MIPOL1: variants seen among roughly 807,000 people sequenced by gnomAD.
MIPOL1 encodes mirror-image polydactyly gene 1 protein.
MIPOL1 carries 57 observed loss-of-function variants against 60.9 expected under a neutral mutation model. That is an observed-to-expected ratio of 0.94 (90% confidence interval 0.76 to 1.17). The LOEUF (loss-of-function observed/expected upper bound fraction) is 1.17, where lower values mean the gene tolerates loss of function less well. Among genes scored for constraint, MIPOL1 ranks in the 50% most tolerant of loss-of-function variants. MIPOL1 has a pLI of 0.00. For missense variants in MIPOL1, 551 were observed against 511.6 expected (o/e 1.08, Z -0.74); for synonymous variants, 179 against 168.8 (o/e 1.06, Z -0.47).
intron 7 of MIPOL1, among the ~76,000 whole-genome samples, chr14:37,292,465 CTTTTTTT>C (rs34055899): frequency 2.4e-4 from 15 of 63,454 alleles, no homozygotes; most frequent in African/African-American, 4.8e-4. Context: ...CCTTAATAAA[CTTTTTTT>C]TTTTTTTTTT....
intron 11 of MIPOL1, among the ~76,000 whole-genome samples, chr14:37,452,512 T>C (rs1452828509): frequency 6.6e-6 from 1 of 152,178 alleles, no homozygotes; most frequent in East Asian, 1.9e-4. Flanking sequence ...AGAAGTTCAT[T>C]TGTAGGTGGG....
rs902726939 is a variant in MIPOL1 at position 37,460,616 on chromosome 14, G to C, written c.1031+37667G>C. ...ATCTTACACCTAGAAAACCCTGATG[G>C]CACCTCCCAAAGACTCCTAGATTTG... On this transcript the variant is annotated intron_variant, in intron 11 of 12. Coordinates refer to ENST00000684589, the MANE Select transcript of MIPOL1 (RefSeq NM_001388067.1). Among the ~76,000 whole-genome samples, 5 of 152,184 alleles carry C rather than the reference G, an allele frequency of 3.3e-5. No individual in the cohort carries two copies. In the South Asian group the frequency reaches 6.2e-4, roughly 19 times the overall value.
At chr14:37,283,668 A>T (rs899483807) in intron 6 of MIPOL1, among the ~76,000 whole-genome samples, 2 of 152,204 alleles carry the variant, frequency 1.3e-5, no homozygotes, top group Admixed American at 1.3e-4. Context: ...TGGAACTAAC[A>T]TTTGTTGATG....
chr14:37,479,433 C>G (rs981148153), intron 11 of MIPOL1, among the ~76,000 whole-genome samples: 12 of 152,030 alleles, frequency 7.9e-5, no homozygotes, highest in African/African-American at 2.4e-4. Flanking sequence ...TTAACATGCT[C>G]CTGAACAACC....
At chr14:37,206,728 C>T (rs1029815100) in intron 1 of MIPOL1, among the ~76,000 whole-genome samples, 18 of 152,240 alleles carry the variant, frequency 1.2e-4, no homozygotes, top group African/African-American at 4.1e-4. Flanking sequence ...GAACCCACCT[C>T]TTGCATCAGT....
intron 11 of MIPOL1, among the ~76,000 whole-genome samples, chr14:37,466,391 G>A (rs1254599918): frequency 6.6e-6 from 1 of 152,170 alleles, no homozygotes; most frequent in Non-Finnish European, 1.5e-5. Flanking sequence ...CACCTACACA[G>A]TATATTGCTG....
chr14:37,541,654 C>A (rs1448812581), intron 12 of MIPOL1, among the ~76,000 whole-genome samples: 1 of 152,184 alleles, frequency 6.6e-6, no homozygotes, highest in Non-Finnish European at 1.5e-5. Context: ...ATGCTTTCAG[C>A]AGAGATCTTA....
At chr14:37,477,370 A>G (rs746016961) in intron 11 of MIPOL1, among the ~76,000 whole-genome samples, 3 of 151,946 alleles carry the variant, frequency 2.0e-5, no homozygotes, top group Non-Finnish European at 4.4e-5. Flanking sequence ...TTGGAATGTT[A>G]TTGATTATTT....
Position 37,221,535 on chromosome 14 carries a change from GA to G in MIPOL1, c.-199+23433del, listed in dbSNP as rs558857606. Among the ~76,000 whole-genome samples the G allele has an allele frequency of 2.6e-3, 395 of 152,308 alleles. 2 individuals are homozygous for G. Among genetic ancestry groups the G allele is most frequent in the African/African-American group, 8.9e-3 (372 of 41,578 alleles). ...ACTCACAGTTCCAAAGGCTGTACAG[GA>G]AGCATGGCTGGGGAGACTTCAGGAA... On this transcript the variant is annotated intron_variant, in intron 1 of 12. Coordinates refer to ENST00000684589, the MANE Select transcript of MIPOL1 (RefSeq NM_001388067.1).
intron 9 of MIPOL1, among the ~76,000 whole-genome samples, chr14:37,336,888 G>A (rs2090164493): frequency 1.3e-5 from 2 of 151,888 alleles, no homozygotes; most frequent in Non-Finnish European, 2.9e-5. Context: ...AGCCTCCCGA[G>A]TAGCTGGGAC....
intron 9 of MIPOL1, among the ~76,000 whole-genome samples, chr14:37,366,523 T>C (rs887306984): frequency 6.6e-6 from 1 of 152,012 alleles, no homozygotes; most frequent in Non-Finnish European, 1.5e-5. Flanking sequence ...TGTTTGATAT[T>C]ATTTCAGTTT....
chr14:37,308,073 C>T lies in MIPOL1; in HGVS notation c.641C>T (p.Pro214Leu). The change falls in exon 8 of 13, where the codon CCT becomes CTT. Residue 214 changes from proline (P) to leucine (L), a missense_variant. Pro to Leu is a moderately conservative substitution (Grantham distance 98, BLOSUM62 -3). Coordinates refer to ENST00000684589, the MANE Select transcript of MIPOL1 (RefSeq NM_001388067.1). The stretch of plus-strand genomic sequence containing the variant: ...TTTTCTAGGCTAGAAAATATTAACC[C>T]TGAAGAAAATGACATGGTAAGCCAT... ...MSLKVLENINPEENDMTLQEL... is the reference protein window; with the variant it reads ...MSLKVLENINLEENDMTLQEL... The T allele has an allele frequency of 6.2e-7, 1 of 1,610,964 alleles. No individual in the cohort carries two copies. Among genetic ancestry groups the T allele is most frequent in the South Asian group, 1.1e-5 (1 of 90,806 alleles).
intron 11 of MIPOL1, among the ~76,000 whole-genome samples, chr14:37,460,215 C>T (rs538808110): frequency 3.3e-5 from 5 of 152,118 alleles, no homozygotes; most frequent in Admixed American, 3.3e-4. Flanking sequence ...TCAACATATG[C>T]AAATCAACAA....
rs191687921 is a variant in MIPOL1 at position 37,284,425 on chromosome 14, C to T, written c.494-893C>T. ...GTGGTACAATCTTTGTTCATTGCAA[C>T]CTCCGCCTCCTGAGTTAATGCCATT... On this transcript the variant is annotated intron_variant, in intron 6 of 12. Transcript: ENST00000684589. 2.6e-5 allele frequency among the ~76,000 whole-genome samples: 4 copies of T among 152,198 alleles called. No individual in the cohort carries two copies. In the East Asian group the frequency reaches 5.8e-4, roughly 22 times the overall value.
chr14:37,390,173 T>A (rs2093197331), intron 10 of MIPOL1, among the ~76,000 whole-genome samples: 1 of 151,986 alleles, frequency 6.6e-6, no homozygotes, highest in South Asian at 2.1e-4. Flanking sequence ...GAGCCAAGTT[T>A]GCACCATTGC....
chr14:37,436,426 G>T (rs1319631213), intron 11 of MIPOL1, among the ~76,000 whole-genome samples: 1 of 152,078 alleles, frequency 6.6e-6, no homozygotes, highest in Admixed American at 6.6e-5. Flanking sequence ...ACATGCATTA[G>T]TAAATGAATT....
At chr14:37,202,682 T>C (rs1965520540) in intron 1 of MIPOL1, among the ~76,000 whole-genome samples, 1 of 152,168 alleles carries the variant, frequency 6.6e-6, no homozygotes, top group African/African-American at 2.4e-5. Context: ...GATGCTTTCA[T>C]ATTAGTAAGG....
At chr14:37,355,555 A>G (rs2091750422) in intron 9 of MIPOL1, among the ~76,000 whole-genome samples, 1 of 149,456 alleles carries the variant, frequency 6.7e-6, no homozygotes, top group African/African-American at 2.5e-5. Flanking sequence ...AATGAGACGT[A>G]GATTTGGTCT....
intron 1 of MIPOL1, among the ~76,000 whole-genome samples, chr14:37,204,590 T>C (rs1363899458): frequency 1.3e-5 from 2 of 152,256 alleles, no homozygotes; most frequent in Admixed American, 6.5e-5. Flanking sequence ...GCTGCCGCCA[T>C]GTGAGATGTG....
Sources: gnomAD v4.1 joint callset for allele counts (sites outside exome capture counted in the v4.1 genomes callset) on GRCh38, gnomAD v4.1.1 for gene constraint, MANE v1.5 for transcripts, NCBI Gene and HGNC (gene_info 2026-07-23, HGNC 2026-07-21) for gene names.